The following SNTB1 variants were observed in gnomAD, a reference collection of about 807,000 sequenced individuals.
SNTB1 encodes syntrophin beta 1.
In SNTB1, 36 loss-of-function variants were observed where a neutral mutation model predicts 48.9. The ratio of observed to expected loss-of-function variants is 0.74; its 90% confidence interval spans 0.56 to 0.97. SNTB1 has a LOEUF of 0.97. Ranked by LOEUF, SNTB1 falls within the 50% of genes least tolerant of loss-of-function variation. SNTB1 has a pLI of 0.00. For missense variants in SNTB1, 786 were observed against 703.4 expected, an observed-to-expected ratio of 1.12 and a Z score of -1.33; for synonymous variants, 299 against 294.6, an observed-to-expected ratio of 1.01 and a Z score of -0.15.
chr8:120,688,263 C>T (rs1818066809), intron 2 of SNTB1, among the ~76,000 whole-genome samples: 2 of 152,232 alleles, frequency 1.3e-5, no homozygotes, highest in South Asian at 4.1e-4. Flanking sequence ...GATCCAGTGA[C>T]ACACTTGGTT....
chr8:120,754,940 T>C (rs548722476), intron 1 of SNTB1, among the ~76,000 whole-genome samples: 1 of 152,212 alleles, frequency 6.6e-6, no homozygotes, highest in South Asian at 2.1e-4. Flanking sequence ...CAGGAACATT[T>C]AAAAAAGACA....
At chr8:120,676,680 G>A (rs767206052) in intron 2 of SNTB1, among the ~76,000 whole-genome samples, 3 of 152,154 alleles carry the variant, frequency 2.0e-5, no homozygotes, top group Non-Finnish European at 4.4e-5. Flanking sequence ...CAAAAGAAAA[G>A]GTGGACAGAG....
chr8:120,663,663 G>A (rs191221358), intron 2 of SNTB1, among the ~76,000 whole-genome samples: 241 of 152,048 alleles, frequency 1.6e-3, no homozygotes, highest in African/African-American at 5.5e-3. Context: ...AAAAAGCAAA[G>A]GGACAAACAG....
chr8:120,677,900 G>A lies in SNTB1; in HGVS notation c.788+15792C>T, dbSNP rs1817864857. 2.6e-5 allele frequency among the ~76,000 whole-genome samples: 4 copies of A among 152,148 alleles called. No individual in the cohort carries two copies. In the South Asian group the frequency reaches 8.3e-4, roughly 32 times the overall value. ...ATTTGGTAAAAAATATTGATGGAGT[G>A]CTTGAGAAAATAGCTCCAAGAATTC... On this transcript the variant is annotated intron_variant, in intron 2 of 6. Coordinates refer to ENST00000517992, the MANE Select transcript of SNTB1 (RefSeq NM_021021.4).
At chr8:120,774,393 T>C (rs1011531002) in intron 1 of SNTB1, among the ~76,000 whole-genome samples, 1 of 152,208 alleles carries the variant, frequency 6.6e-6, no homozygotes, top group African/African-American at 2.4e-5. Flanking sequence ...TGTGTGACTC[T>C]GAGTCTAGGG....
At chr8:120,705,440 C>G (rs1818365439) in intron 1 of SNTB1, among the ~76,000 whole-genome samples, 1 of 152,186 alleles carries the variant, frequency 6.6e-6, no homozygotes, top group South Asian at 2.1e-4. Context: ...ATTTGGTTAA[C>G]TTCACTTTGT....
At chr8:120,764,408 T>A (rs1021411176) in intron 1 of SNTB1, among the ~76,000 whole-genome samples, 4 of 152,232 alleles carry the variant, frequency 2.6e-5, no homozygotes, top group Non-Finnish European at 4.4e-5. Context: ...ATATGCATTA[T>A]AAGCAGTGAC....
At chr8:120,551,479 T>A (rs1202856479) in intron 4 of SNTB1, among the ~76,000 whole-genome samples, 1 of 151,818 alleles carries the variant, frequency 6.6e-6, no homozygotes, top group Admixed American at 6.6e-5. Context: ...TGTCTGACAT[T>A]TGTTAAACTT....
At chr8:120,645,289 G>T (rs1043404206) in intron 2 of SNTB1, among the ~76,000 whole-genome samples, 5 of 151,470 alleles carry the variant, frequency 3.3e-5, no homozygotes, top group Admixed American at 2.6e-4. Flanking sequence ...GGGTTTTTAT[G>T]GTTTTAGGTC....
chr8:120,727,000 C>T (rs1054079820), intron 1 of SNTB1, among the ~76,000 whole-genome samples: 5 of 152,082 alleles, frequency 3.3e-5, no homozygotes, highest in African/African-American at 1.2e-4. Context: ...CATTATGCTG[C>T]AGGAATTATA....
intron 1 of SNTB1, among the ~76,000 whole-genome samples, chr8:120,765,540 A>G (rs1394899845): frequency 6.6e-6 from 1 of 152,158 alleles, no homozygotes; most frequent in Non-Finnish European, 1.5e-5. Flanking sequence ...AGGTGCTGGC[A>G]TCTGGTGAGG....
chr8:120,714,741 A>G (rs981165220), intron 1 of SNTB1, among the ~76,000 whole-genome samples: 1 of 152,208 alleles, frequency 6.6e-6, no homozygotes, highest in Non-Finnish European at 1.5e-5. Context: ...AGATATAGAA[A>G]GTTTATTAAA....
At chr8:120,547,588 G>A (rs1815404474) in intron 5 of SNTB1, among the ~76,000 whole-genome samples, 1 of 80,430 alleles carries the variant, frequency 1.2e-5, no homozygotes, top group African/African-American at 4.5e-5. Context: ...GCAAAACACT[G>A]TCTCAAAAAA....
chr8:120,599,394 C>T (rs895190084), intron 3 of SNTB1, among the ~76,000 whole-genome samples: 1 of 152,194 alleles, frequency 6.6e-6, no homozygotes, highest in Non-Finnish European at 1.5e-5. Flanking sequence ...ACCTTGTGTG[C>T]ACATGCAGAT....
chr8:120,746,842 T>C (rs796551723), intron 1 of SNTB1, among the ~76,000 whole-genome samples: 5 of 152,322 alleles, frequency 3.3e-5, no homozygotes, highest in Admixed American at 2.6e-4. Context: ...TTTAATCATC[T>C]TGAAAATGTG....
intron 2 of SNTB1, among the ~76,000 whole-genome samples, chr8:120,674,498 A>T (rs1234326331): frequency 6.6e-6 from 1 of 152,222 alleles, no homozygotes; most frequent in African/African-American, 2.4e-5. Context: ...TAAGGAGTTG[A>T]GGCATTGAGA....
At chr8:120,657,816 A>G (rs1817526145) in intron 2 of SNTB1, among the ~76,000 whole-genome samples, 1 of 152,258 alleles carries the variant, frequency 6.6e-6, no homozygotes, top group Non-Finnish European at 1.5e-5. Flanking sequence ...CCATGTGAAG[A>G]GAACTCAACA....
At chr8:120,745,439 C>T (rs183701769) in intron 1 of SNTB1, among the ~76,000 whole-genome samples, 185 of 152,272 alleles carry the variant, frequency 1.2e-3, no homozygotes, top group African/African-American at 4.3e-3. Flanking sequence ...CAGGGGACTT[C>T]TGAAAATTCC....
At position 120,811,632 on chromosome 8, in the gene SNTB1, C is replaced by T. The variant is rs1181324725; in HGVS notation, c.212G>A (p.Gly71Asp). The T allele has an allele frequency of 1.3e-6, 2 of 1,593,526 alleles. No homozygotes were observed. Among genetic ancestry groups the T allele is most frequent in the Non-Finnish European group, 1.7e-6 (2 of 1,173,560 alleles). ...GTATNGSFCR[G>D]AGAGHPGAGG... The stretch of plus-strand genomic sequence containing the variant: ...CGCGCCCGGGTGCCCAGCCCCGGCG[C>T]CCCTGCAGAACGAGCCATTGGTGGC... The change falls in exon 1 of 7, where the codon GGC becomes GAC. Residue 71 changes from glycine (G) to aspartate (D), a missense_variant. Coordinates refer to ENST00000517992, the MANE Select transcript of SNTB1 (RefSeq NM_021021.4).
Sources: gnomAD v4.1 joint callset for allele counts (sites outside exome capture counted in the v4.1 genomes callset) on GRCh38, gnomAD v4.1.1 for gene constraint, MANE v1.5 for transcripts, NCBI Gene and HGNC (gene_info 2026-07-23, HGNC 2026-07-21) for gene names.